GRK5: variants seen among roughly 807,000 people sequenced by gnomAD.
The protein encoded by GRK5 is g protein-coupled receptor kinase GRK5.
GRK5 carries 40 observed loss-of-function variants against 78.4 expected under a neutral mutation model. The ratio of observed to expected loss-of-function variants is 0.51; its 90% CI spans 0.40 to 0.66. GRK5 has a LOEUF of 0.66. Among genes scored for constraint, GRK5 ranks in the 30% least tolerant of loss-of-function variants. The pLI is 0.00. For synonymous variants in GRK5, 289 were observed against 296.8 expected, an observed-to-expected ratio of 0.97 and a Z score of 0.27; for missense variants, 598 against 759.9, an observed-to-expected ratio of 0.79 and a Z score of 2.50.
intron 4 of GRK5, among the ~76,000 whole-genome samples, chr10:119,415,011 G>T (rs1482855717): frequency 6.6e-6 from 1 of 150,964 alleles, no homozygotes; most frequent in Non-Finnish European, 1.5e-5. Context: ...GAACCTGGGA[G>T]GTGGAGCTTG....
At chr10:119,327,362 G>T (rs1347582677) in intron 2 of GRK5, among the ~76,000 whole-genome samples, 1 of 152,174 alleles carries the variant, frequency 6.6e-6, no homozygotes, top group South Asian at 2.1e-4. Flanking sequence ...GAGTGTTTGG[G>T]GTCCCGGCCC....
At chr10:119,232,574 A>T (rs533437626) in intron 1 of GRK5, among the ~76,000 whole-genome samples, 36 of 152,132 alleles carry the variant, frequency 2.4e-4, no homozygotes, top group Admixed American at 7.2e-4. Flanking sequence ...TAATTGAATC[A>T]TGGGGGGCAG....
intron 1 of GRK5, among the ~76,000 whole-genome samples, chr10:119,263,155 G>A (rs930024097): frequency 1.3e-5 from 2 of 151,896 alleles, no homozygotes; most frequent in Non-Finnish European, 2.9e-5. Context: ...TTACAGGCGC[G>A]CACACCACAC....
rs370523273 is a variant in GRK5, at chr10:119,208,980, C to T, written c.52+1011C>T. Among the ~76,000 whole-genome samples, 18 of 151,804 alleles carry T rather than the reference C, an allele frequency of 1.2e-4. No individual in the cohort carries two copies. In the East Asian group the frequency reaches 3.1e-3, roughly 26 times the overall value. On this transcript the variant is annotated intron_variant, in intron 1 of 15. Transcript: ENST00000392870. The stretch of plus-strand genomic sequence containing the variant: ...TTTCATAAAAGGGGAAGAGGTTTTT[C>T]CCTTTCACGGGAGAACGCTTTATTT...
At chr10:119,316,608 G>A (rs1233519307) in intron 1 of GRK5, among the ~76,000 whole-genome samples, 5 of 152,120 alleles carry the variant, frequency 3.3e-5, no homozygotes, top group Non-Finnish European at 5.9e-5. Flanking sequence ...CCAGTGCAGC[G>A]CTACACTGAC....
chr10:119,369,915 G>T (rs531753684), intron 2 of GRK5, among the ~76,000 whole-genome samples: 1 of 151,198 alleles, frequency 6.6e-6, no homozygotes, highest in African/African-American at 2.4e-5. Context: ...CTGACCCTCC[G>T]TTTACCCAGC....
At chr10:119,404,496 C>G (rs777254503) in intron 4 of GRK5, among the ~76,000 whole-genome samples, 1 of 152,210 alleles carries the variant, frequency 6.6e-6, no homozygotes, top group Admixed American at 6.5e-5. Flanking sequence ...TCCTTTGAAT[C>G]ACAAAGGTTT....
intron 4 of GRK5, among the ~76,000 whole-genome samples, chr10:119,419,995 G>T (rs767139842): frequency 6.6e-6 from 1 of 152,120 alleles, no homozygotes; most frequent in African/African-American, 2.4e-5. Flanking sequence ...TGAGAGTGGG[G>T]CACAGGTGGC....
intron 5 of GRK5, among the ~76,000 whole-genome samples, 182 bp from the exon 6 acceptor site, chr10:119,424,811 G>A (rs1317473502): frequency 6.6e-6 from 1 of 152,144 alleles, no homozygotes. Context: ...AACAAGTGTT[G>A]GCAGGACCAA....
chr10:119,373,559 C>A (rs180814304), intron 2 of GRK5, among the ~76,000 whole-genome samples: 76 of 152,318 alleles, frequency 5.0e-4, no homozygotes, highest in African/African-American at 1.8e-3. Context: ...TCACGTGGAA[C>A]TGTGAGTCAA....
chr10:119,425,132 AT>A (rs869160114), intron 6 of GRK5, 47 bp downstream of exon 6: 1 of 1,323,610 alleles, frequency 7.6e-7, no homozygotes, highest in South Asian at 1.2e-5. Flanking sequence ...GAGGGTACAC[AT>A]TTTTCATCTG....
intron 3 of GRK5, among the ~76,000 whole-genome samples, chr10:119,392,711 C>A (rs1194983812): frequency 6.6e-6 from 1 of 151,922 alleles, no homozygotes; most frequent in Non-Finnish European, 1.5e-5. Flanking sequence ...GCTAAGAGAG[C>A]TTTAAATGAA....
At chr10:119,307,773 C>T (rs35329675) in intron 1 of GRK5, among the ~76,000 whole-genome samples, 108,679 of 151,648 alleles carry the variant, frequency 0.72, 41,421 homozygotes, top group East Asian at 0.84. Flanking sequence ...CTCCTGGTGG[C>T]GAGCCCTCCT....
chr10:119,414,976 G>A (rs1852416297), intron 4 of GRK5, among the ~76,000 whole-genome samples: 1 of 146,674 alleles, frequency 6.8e-6, no homozygotes, highest in Non-Finnish European at 1.5e-5. Flanking sequence ...CAGCTACTCA[G>A]AAGGCTGAGG....
intron 2 of GRK5, among the ~76,000 whole-genome samples, chr10:119,374,434 C>T (rs1388464692): frequency 6.6e-6 from 1 of 152,172 alleles, no homozygotes; most frequent in African/African-American, 2.4e-5. Context: ...AGCACCCAAA[C>T]CTCACCAGGT....
chr10:119,292,190 CTT>C (rs1849991757), intron 1 of GRK5, among the ~76,000 whole-genome samples: 3 of 96,108 alleles, frequency 3.1e-5, no homozygotes, highest in Non-Finnish European at 4.4e-5. Flanking sequence ...TCCTCCTCCT[CTT>C]CCTCCTTCTC....
intron 1 of GRK5, among the ~76,000 whole-genome samples, chr10:119,318,253 G>T (rs574942209): frequency 5.5e-4 from 84 of 152,358 alleles, no homozygotes; most frequent in Non-Finnish European, 9.0e-4. Flanking sequence ...ATTGAGGCAA[G>T]GTTCTTTCCT....
intron 2 of GRK5, among the ~76,000 whole-genome samples, chr10:119,354,905 A>G (rs1851243018): frequency 1.3e-5 from 2 of 152,194 alleles, no homozygotes; most frequent in Admixed American, 6.5e-5. Context: ...GGGAGTTGAG[A>G]ATGCATGGAT....
chr10:119,296,205 C>A (rs141335082), intron 1 of GRK5, among the ~76,000 whole-genome samples: 28 of 152,296 alleles, frequency 1.8e-4, no homozygotes, highest in Non-Finnish European at 2.9e-4. Flanking sequence ...AAAATGGCTG[C>A]GACAGTTCCA....
Sources: gnomAD v4.1 joint callset for allele counts (sites outside exome capture counted in the v4.1 genomes callset) on GRCh38, gnomAD v4.1.1 for gene constraint, MANE v1.5 for transcripts, NCBI Gene and HGNC (gene_info 2026-07-23, HGNC 2026-07-21) for gene names.